The following MFN2 variants were observed in gnomAD, a reference collection of about 807,000 sequenced individuals.
MFN2 encodes the protein mitofusin-2.
MFN2 carries 43 observed loss-of-function variants against 87.5 expected under a neutral mutation model. The observed-to-expected ratio is 0.49, with a 90% CI of 0.38 to 0.63. MFN2 has a LOEUF of 0.63. Among genes scored for constraint, MFN2 ranks in the 30% least tolerant of loss-of-function variants. The pLI is 0.00. For synonymous variants in MFN2, 337 were observed against 359.9 expected, an observed-to-expected ratio of 0.94 and a Z score of 0.72; for missense variants, 743 against 972.8, an observed-to-expected ratio of 0.76 and a Z score of 3.14.
chr1:12,005,713 G>A lies in MFN2; in HGVS notation c.1498G>A (p.Gly500Ser), dbSNP rs1639378150. 1 of 1,614,152 alleles carries A rather than the reference G, an allele frequency of 6.2e-7. No homozygotes were observed. Among genetic ancestry groups the A allele is most frequent in the Non-Finnish European group, 8.5e-7 (1 of 1,179,986 alleles). The change falls in exon 15 of 19, where the codon GGC becomes AGC. Residue 500 changes from glycine to serine, a missense_variant and splice_region_variant. Gly to Ser is a moderately conservative substitution (Grantham distance 56). Around this residue, in one of 3 missense-constraint regions of MFN2, gnomAD observed 571 missense variants for 670.7 expected, o/e 0.85. Transcript: ENST00000235329. Reference protein sequence around the residue: ...LQTMQQDMIDGLKPLLPVSVR... With the variant: ...LQTMQQDMIDSLKPLLPVSVR... The stretch of plus-strand genomic sequence containing the variant: ...TCCTCCATTTCTCTTCCTGACAGAT[G>A]GCTTGAAACCCCTCCTTCCTGTGTC...
intron 17 of MFN2, among the ~76,000 whole-genome samples, chr1:12,009,060 C>G (rs1000183195): frequency 6.6e-6 from 1 of 152,190 alleles, no homozygotes; most frequent in Admixed American, 6.5e-5. Flanking sequence ...ACCAGTCAGG[C>G]GTGGCGGCGC....
rs544035367 is a variant in MFN2, at chr1:11,993,478, G to A, written c.311+788G>A. ...ATGCCGGGCATGGTGGCTCACACCT[G>A]TAATCCCAGCACTTTGGGAGGCCGA... On this transcript the variant is annotated intron_variant, in intron 4 of 18. Transcript: ENST00000235329. Among the ~76,000 whole-genome samples the A allele has an allele frequency of 3.9e-5, 6 of 152,262 alleles. No homozygotes were observed. In the East Asian group the frequency reaches 7.7e-4, roughly 20 times the overall value.
At chr1:12,001,950 C>T in intron 10 of MFN2, 32 bp from the exon 11 acceptor site, 1 of 1,614,136 alleles carries the variant, frequency 6.2e-7, no homozygotes, top group Non-Finnish European at 8.5e-7. Context: ...CCTGGTGGCC[C>T]CCACCTCCCT....
chr1:12,008,157 C>G (rs1434621574), intron 17 of MFN2, among the ~76,000 whole-genome samples: 2 of 152,374 alleles, frequency 1.3e-5, no homozygotes, highest in South Asian at 2.1e-4. Context: ...TCTTTCTACA[C>G]AGACACAGCA....
intron 3 of MFN2, among the ~76,000 whole-genome samples, chr1:11,989,964 T>C (rs543759220): frequency 6.6e-6 from 1 of 152,326 alleles, no homozygotes; most frequent in East Asian, 1.9e-4. Flanking sequence ...TCAGGCTCCC[T>C]CTTTAGAAGG....
At chr1:11,985,821 C>T (rs1443397836) in intron 2 of MFN2, among the ~76,000 whole-genome samples, 1 of 152,222 alleles carries the variant, frequency 6.6e-6, no homozygotes, top group East Asian at 1.9e-4. Flanking sequence ...CCTGCCACAT[C>T]CCCTCTTTCT....
chr1:11,985,965 T>C (rs1246153841), intron 2 of MFN2, among the ~76,000 whole-genome samples: 2 of 152,206 alleles, frequency 1.3e-5, no homozygotes, highest in East Asian at 3.8e-4. Flanking sequence ...GCCCTGGACA[T>C]ATGGCTTCCA....
At chr1:11,986,490 G>A (rs78375559) in intron 2 of MFN2, among the ~76,000 whole-genome samples, 3,240 of 152,190 alleles carry the variant, frequency 0.021, 110 homozygotes, top group African/African-American at 0.073. Context: ...AGCTTTCGCC[G>A]TGGTGGGAAC....
intron 6 of MFN2, among the ~76,000 whole-genome samples, 153 bp from the exon 7 acceptor site, chr1:11,998,617 A>G (rs1264217829): frequency 6.6e-6 from 1 of 152,188 alleles, no homozygotes; most frequent in Non-Finnish European, 1.5e-5. Flanking sequence ...ATGGGAAGTA[A>G]AATCCGTTAA....
At chr1:12,006,742 C>CGGGCTGGGGGGG in intron 16 of MFN2, 49 bp downstream of exon 16, 1 of 821,240 alleles carries the variant, frequency 1.2e-6, no homozygotes, top group Non-Finnish European at 1.9e-6. Flanking sequence ...GGCAGGTGGG[C>CGGGCTGGGGGGG]GGGGCCTGAG....
Position 12,009,593 on chromosome 1 carries a change from G to A in MFN2, c.2071G>A (p.Glu691Lys). 1 of 1,614,216 alleles carries A rather than the reference G, an allele frequency of 6.2e-7. No homozygotes were observed. The highest frequency in any genetic ancestry group is 8.5e-7 in the Non-Finnish European group (1 of 1,180,036). ...GSNCSHQVQQ[E>K]LSGTFAHLCQ... ...GGGTCCCTTCTCTCTCCTCCCCAGG[G>A]AACTGTCTGGGACCTTTGCTCATCT... Residue 691 changes from glutamate (E) to lysine (K), a missense_variant and splice_region_variant, in exon 18 of 19, where the codon GAA (glutamate) becomes AAA (lysine). By Grantham distance (56) the Glu-to-Lys change is moderately conservative. Coordinates refer to ENST00000235329, the MANE Select transcript of MFN2 (RefSeq NM_014874.4).
At chr1:11,997,953 G>A (rs927017151) in intron 6 of MFN2, among the ~76,000 whole-genome samples, 81 of 133,042 alleles carry the variant, frequency 6.1e-4, no homozygotes, top group Non-Finnish European at 2.7e-4. Flanking sequence ...GTGCAGTCTC[G>A]GCTCACTGCA....
chr1:12,008,122 C>T (rs1482332231), intron 17 of MFN2, among the ~76,000 whole-genome samples: 4 of 152,200 alleles, frequency 2.6e-5, no homozygotes, highest in Non-Finnish European at 5.9e-5. Flanking sequence ...TAGTACAGAA[C>T]AAAATGGAGT....
rs1639708058 is a variant in MFN2 at position 12,011,720 on chromosome 1, T to C, written c.*155T>C. 1.3e-6 allele frequency: 1 copy of C among 747,564 alleles called. No individual in the cohort carries two copies. The highest frequency in any genetic ancestry group is 2.2e-6 in the Non-Finnish European group (1 of 447,524). The allele number at this position is 747,564 out of a possible 1,614,324, so 46.3% of individuals were successfully genotyped here. The stretch of plus-strand genomic sequence containing the variant: ...CGTACCATTTTGAGCCCTCCAGCAC[T>C]ACTTATTTTCCCCCACCTTTGCCTG... On this transcript the variant is annotated 3_prime_UTR_variant, in exon 19 of 19. Transcript: ENST00000235329.
At chr1:12,005,579 TG>T in intron 14 of MFN2, 131 bp from the exon 15 acceptor site, 2 of 947,454 alleles carry the variant, frequency 2.1e-6, no homozygotes, top group Non-Finnish European at 3.4e-6. Flanking sequence ...CCAACTTGAC[TG>T]GGGTGTGGTT....
chr1:12,001,877 C>T (rs1457410083), intron 10 of MFN2, 41 bp downstream of exon 10: 1 of 1,613,616 alleles, frequency 6.2e-7, no homozygotes, highest in Admixed American at 1.7e-5. Context: ...TCTGTGCCTC[C>T]CCAGCTCCCA....
intron 2 of MFN2, among the ~76,000 whole-genome samples, chr1:11,984,113 T>A (rs1345243399): frequency 1.3e-5 from 2 of 152,232 alleles, no homozygotes; most frequent in Non-Finnish European, 2.9e-5. Context: ...CTGTCGAGTC[T>A]TGCAGTTAGT....
At chr1:11,985,683 G>T (rs1189639622) in intron 2 of MFN2, among the ~76,000 whole-genome samples, 2 of 151,994 alleles carry the variant, frequency 1.3e-5, no homozygotes, top group Non-Finnish European at 2.9e-5. Context: ...GGCTAGACTG[G>T]TCTTGAACTC....
At chr1:11,989,390 A>G (rs1638577851) in intron 3 of MFN2, 47 bp downstream of exon 3, 1 of 1,600,430 alleles carries the variant, frequency 6.2e-7, no homozygotes, top group Non-Finnish European at 8.5e-7. Flanking sequence ...CTGTTTAGAT[A>G]TTTAGCTAGT....
Sources: allele counts gnomAD v4.1 joint callset (sites outside exome capture counted in the v4.1 genomes callset), GRCh38; gene constraint gnomAD v4.1.1; regional missense constraint gnomAD v4.1.1; transcripts MANE v1.5; gene names NCBI Gene and HGNC (gene_info 2026-07-23, HGNC 2026-07-21).